The following CCDC30 variants were observed in gnomAD, a reference collection of about 807,000 sequenced individuals.
CCDC30 encodes the protein coiled-coil domain-containing protein 30.
A neutral mutation model predicts 100.2 loss-of-function variants in CCDC30; 70 were observed. The observed-to-expected ratio is 0.70, with a 90% CI of 0.58 to 0.85. The LOEUF is 0.85. Ranked by LOEUF, CCDC30 falls within the 40% of genes least tolerant of loss-of-function variation. CCDC30 has a pLI of 0.00. For synonymous variants in CCDC30, 233 were observed against 269.5 expected (o/e 0.86, Z 1.33); for missense variants, 652 against 771.2 (o/e 0.85, Z 1.83).
chr1:42,466,296 C>T (rs1643579599), intron 1 of CCDC30, among the ~76,000 whole-genome samples: 1 of 152,156 alleles, frequency 6.6e-6, no homozygotes, highest in Non-Finnish European at 1.5e-5. Flanking sequence ...AGGGTCCTGG[C>T]CCCTGCAATG....
exon 13 of CCDC30, chr1:42,642,606 G>C: frequency 1.3e-6 from 2 of 1,573,242 alleles, no homozygotes; most frequent in Non-Finnish European, 1.7e-6. Flanking sequence ...TCCATCCAGA[G>C]CAGGTAGGTG....
In CCDC30 at chr1:42,515,928, A is replaced by G. The variant is rs190939721; in HGVS notation, c.456+17012A>G. Among the ~76,000 whole-genome samples the G allele has an allele frequency of 3.9e-5, 6 of 152,328 alleles. No homozygotes were observed. The East Asian group carries it at 1.2e-3, about 29-fold the overall frequency. On this transcript the variant is annotated intron_variant, in intron 6 of 16. Transcript: ENST00000668663. ...CTGAATCATATTGCATTGAATGTAT[A>G]TACCACATTTTGCTGATCTATTTGT...
chr1:42,536,792 AG>A (rs1289460534), intron 6 of CCDC30, 191 bp downstream of exon 7: 1 of 517,470 alleles, frequency 1.9e-6, no homozygotes, highest in East Asian at 3.3e-5. Flanking sequence ...TCCAAGATCA[AG>A]GTGCCAGCCA....
chr1:42,482,743 A>G, exon 3 of CCDC30: 1 of 1,234,132 alleles, frequency 8.1e-7, no homozygotes, highest in Non-Finnish European at 1.0e-6. Flanking sequence ...CAAAGAAGTT[A>G]GGGGTGGCTC....
exon 1 of CCDC30, chr1:42,463,866 G>C (rs140700587): frequency 6.6e-6 from 1 of 152,226 alleles, no homozygotes; most frequent in African/African-American, 2.4e-5. Context: ...AGATTTGGAG[G>C]CCTTTTGTAT....
intron 10 of CCDC30, among the ~76,000 whole-genome samples, chr1:42,597,030 T>G (rs1646302819): frequency 6.7e-6 from 1 of 148,782 alleles, no homozygotes; most frequent in South Asian, 2.1e-4. Flanking sequence ...TTGGTGGGCT[T>G]ATTAATAGAC....
rs1159008864 is a variant in CCDC30, at chr1:42,546,385, C to CAAAA, written c.457-19899_457-19896dup. Among the ~76,000 whole-genome samples the CAAAA allele has an allele frequency of 1.6e-3, 8 of 5,016 alleles. 2 individuals are homozygous for CAAAA. Among genetic ancestry groups the CAAAA allele is most frequent in the African/African-American group, 4.7e-3 (8 of 1,692 alleles). The allele number at this position is 5,016 out of a possible 152,430, so 3.3% of individuals were successfully genotyped here. A position where few individuals can be genotyped will look rare whatever the true frequency, so the allele number is the denominator to read the frequency against. ...GGGCAACAAGAGTGAAATTCTGTCT[C>CAAAA]AAAAAAAAAAAAAAATATATATATA... On this transcript the variant is annotated intron_variant, in intron 6 of 16. Coordinates refer to ENST00000668663, the Ensembl canonical transcript of CCDC30.
chr1:42,558,820 A>G (rs183239228), intron 6 of CCDC30, among the ~76,000 whole-genome samples: 268 of 152,300 alleles, frequency 1.8e-3, no homozygotes, highest in African/African-American at 6.1e-3. Context: ...CTCCATGAGA[A>G]GATCAACTCC....
At chr1:42,544,850 C>T (rs1371222849) in intron 6 of CCDC30, among the ~76,000 whole-genome samples, 1 of 152,104 alleles carries the variant, frequency 6.6e-6, no homozygotes, top group Non-Finnish European at 1.5e-5. Flanking sequence ...GCTTTTATAT[C>T]ATAGTGGTTT....
intron 7 of CCDC30, among the ~76,000 whole-genome samples, chr1:42,575,967 T>A (rs951283883): frequency 2.0e-5 from 3 of 152,092 alleles, no homozygotes; most frequent in Non-Finnish European, 4.4e-5. Context: ...AAACTCTTAA[T>A]ACCAACCAGT....
chr1:42,613,719 A>G (rs1646671088), intron 11 of CCDC30, among the ~76,000 whole-genome samples: 1 of 152,232 alleles, frequency 6.6e-6, no homozygotes, highest in Non-Finnish European at 1.5e-5. Context: ...TAATTAGCAT[A>G]TAATGGGGAG....
exon 12 of CCDC30, chr1:42,637,276 T>C (rs1468156393): frequency 2.5e-6 from 4 of 1,581,730 alleles, no homozygotes; most frequent in Non-Finnish European, 3.4e-6. Flanking sequence ...AAGTCAAGCT[T>C]CAAAAAGTCA....
chr1:42,627,498 C>T (rs984333843), intron 11 of CCDC30, among the ~76,000 whole-genome samples: 2 of 152,128 alleles, frequency 1.3e-5, no homozygotes, highest in South Asian at 4.1e-4. Flanking sequence ...ATCCCCAAGA[C>T]CGTGGGAAAA....
intron 4 of CCDC30, among the ~76,000 whole-genome samples, chr1:42,490,849 C>T (rs1251283187): frequency 1.3e-5 from 2 of 152,244 alleles, no homozygotes; most frequent in East Asian, 3.9e-4. Context: ...CAATACAAAT[C>T]ATGCATATTT....
intron 6 of CCDC30, among the ~76,000 whole-genome samples, chr1:42,543,341 C>T (rs1645055058): frequency 6.7e-6 from 1 of 149,338 alleles, no homozygotes; most frequent in South Asian, 2.2e-4. Context: ...TTCTTTCTTT[C>T]TCACTCAGTT....
At chr1:42,600,906 C>T in intron 10 of CCDC30, among the ~76,000 whole-genome samples, 1 of 151,932 alleles carries the variant, frequency 6.6e-6, no homozygotes, top group Non-Finnish European at 1.5e-5. Flanking sequence ...TGTCTTGCTT[C>T]CCCTTCACCT....
chr1:42,512,234 C>T (rs942307350), intron 6 of CCDC30, among the ~76,000 whole-genome samples: 1 of 152,200 alleles, frequency 6.6e-6, no homozygotes, highest in Non-Finnish European at 1.5e-5. Context: ...GACAACCTTC[C>T]AGTGTGGGCG....
At chr1:42,588,678 C>T (rs1368732481) in intron 9 of CCDC30, among the ~76,000 whole-genome samples, 1 of 152,132 alleles carries the variant, frequency 6.6e-6, no homozygotes, top group Non-Finnish European at 1.5e-5. Flanking sequence ...ATAAATAATG[C>T]AGTTTCAGGG....
At chr1:42,642,771 GTTAAA>G (rs986737984) in intron 13 of CCDC30, among the ~76,000 whole-genome samples, 162 bp downstream of exon 17, 39 of 152,190 alleles carry the variant, frequency 2.6e-4, no homozygotes, top group African/African-American at 9.2e-4. Context: ...GGCAGAAATT[GTTAAA>G]TTAAAGAGAA....
Sources: allele counts gnomAD v4.1 joint callset (sites outside exome capture counted in the v4.1 genomes callset), GRCh38; gene constraint gnomAD v4.1.1; transcripts MANE v1.5; gene names NCBI Gene and HGNC (gene_info 2026-07-23, HGNC 2026-07-21).